Variants in F13B observed in about 807,000 individuals in gnomAD.
F13B encodes TGase.
F13B carries 58 observed loss-of-function variants against 79.8 expected under a neutral mutation model. That is an observed-to-expected ratio of 0.73 (90% CI 0.59 to 0.90). F13B has a LOEUF of 0.90. F13B is among the 40% of genes least tolerant of loss of function. The pLI is 0.00. For missense variants in F13B, 773 were observed against 777.0 expected (o/e 0.99, Z 0.06); for synonymous variants, 283 against 260.3 (o/e 1.09, Z -0.84).
In F13B at chr1:197,063,021, C is replaced by A. The variant is rs756961824; in HGVS notation, c.101G>T (p.Arg34Ile). 6.2e-7 allele frequency: 1 copy of A among 1,612,774 alleles called. No individual in the cohort carries two copies. The highest frequency in any genetic ancestry group is 1.1e-5 in the South Asian group (1 of 91,038). Residue 34 changes from arginine (R) to isoleucine (I), a missense_variant, in exon 2 of 12, where the codon AGA becomes ATA. Coordinates refer to ENST00000367412, the MANE Select transcript of F13B (RefSeq NM_001994.3). ...AAAAGTATAGTAATATTGGGCAATTCTTCCATTTTCCACATGAGGAAAACC... is the reference window on the plus strand; with the variant it reads ...AAAAGTATAGTAATATTGGGCAATTATTCCATTTTCCACATGAGGAAAACC... ...PCGFPHVENG[R>I]IAQYYYTFKS...
chr1:197,065,995 CT>C (rs766666193), intron 1 of F13B, among the ~76,000 whole-genome samples: 14 of 121,730 alleles, frequency 1.2e-4, no homozygotes, highest in South Asian at 6.3e-4. Context: ...AAGCAGCTTA[CT>C]TTTTTTTTTG....
rs2125064389 is a variant in F13B at position 197,052,713 on chromosome 1, T to C, written c.1476A>G (p.Leu492=). ...ATTCAGACAATGGGGTTAATGGAGA[T>C]AAGTCATATCCCTGTTTACATACAA... ...IDFVCKQGYD[L]SPLTPLSELS... The change falls in exon 9 of 12, where the codon TTA becomes TTG. Residue 492 remains leucine, a synonymous_variant. Transcript: ENST00000367412. The C allele has an allele frequency of 6.2e-7, 1 of 1,612,274 alleles. No homozygotes were observed. The highest frequency in any genetic ancestry group is 8.5e-7 in the Non-Finnish European group (1 of 1,178,978).
At position 197,039,210 on chromosome 1, in the gene F13B, T is replaced by G; in HGVS notation, c.*168A>C. On this transcript the variant is annotated 3_prime_UTR_variant, in exon 12 of 12. Coordinates refer to ENST00000367412, the MANE Select transcript of F13B (RefSeq NM_001994.3). Reference sequence around the variant, plus strand: ...AATCATACAAACTAAAAATTAGACATTTATTGGTTTTCATTTATAAATAAC... The same window carrying G: ...AATCATACAAACTAAAAATTAGACAGTTATTGGTTTTCATTTATAAATAAC... The G allele has an allele frequency of 1.7e-6, 1 of 604,692 alleles. No homozygotes were observed. The allele number at this position is 604,692 out of a possible 1,614,324, so 37.5% of individuals were successfully genotyped here.
In F13B at chr1:197,057,274, G is replaced by A. The variant is rs1319865788; in HGVS notation, c.985+12C>T. ...TTTCATTTTAGCAAAGCTTCTTCAA[G>A]GTGTTACTAACCAATGCATTTTGGA... On this transcript the variant is annotated intron_variant, in intron 6 of 11. Transcript: ENST00000367412. 5 of 1,613,874 alleles carry A rather than the reference G, an allele frequency of 3.1e-6. No individual in the cohort carries two copies. In the South Asian group the frequency reaches 5.5e-5, roughly 18 times the overall value.
At chr1:197,066,089 C>A (rs904736486) in intron 1 of F13B, among the ~76,000 whole-genome samples, 1 of 151,422 alleles carries the variant, frequency 6.6e-6, no homozygotes, top group Non-Finnish European at 1.5e-5. Flanking sequence ...AGATAACAGA[C>A]AATTATATCT....
rs767006990 is a variant in F13B, at chr1:197,067,253, A to T, written c.-30T>A. 3.5e-5 allele frequency: 54 copies of T among 1,542,076 alleles called. No individual in the cohort carries two copies. The highest frequency in any genetic ancestry group is 4.5e-5 in the Non-Finnish European group (50 of 1,115,540). On this transcript the variant is annotated 5_prime_UTR_variant, in exon 1 of 12. Transcript: ENST00000367412. ...AGTGGTGTGCTTCACAAAGATTTTAACAATTCTAAGCACTAGGAACTTGTC... is the reference window on the plus strand; with the variant it reads ...AGTGGTGTGCTTCACAAAGATTTTATCAATTCTAAGCACTAGGAACTTGTC...
intron 7 of F13B, among the ~76,000 whole-genome samples, chr1:197,056,739 T>C (rs1430550842): frequency 6.6e-6 from 1 of 152,178 alleles, no homozygotes; most frequent in Non-Finnish European, 1.5e-5. Flanking sequence ...TTACAGGTAA[T>C]GGCATGACAC....
intron 2 of F13B, among the ~76,000 whole-genome samples, 200 bp from the exon 3 acceptor site, chr1:197,062,169 C>T (rs931162946): frequency 6.6e-6 from 1 of 151,910 alleles, no homozygotes; most frequent in South Asian, 2.1e-4. Flanking sequence ...AATTTCTACC[C>T]CTACCACATC....
intron 3 of F13B, among the ~76,000 whole-genome samples, 187 bp from the exon 4 acceptor site, chr1:197,061,262 C>T (rs1655851606): frequency 6.6e-6 from 1 of 152,004 alleles, no homozygotes; most frequent in Admixed American, 6.6e-5. Context: ...CTAACTCTAC[C>T]AGTTTTCTGT....
intron 10 of F13B, among the ~76,000 whole-genome samples, chr1:197,046,466 A>G (rs1346820689): frequency 6.6e-6 from 1 of 152,202 alleles, no homozygotes; most frequent in Non-Finnish European, 1.5e-5. Flanking sequence ...AGGGATGTGA[A>G]GGACCTCTTC....
At chr1:197,049,603 T>C (rs780124482) in intron 10 of F13B, among the ~76,000 whole-genome samples, 3 of 152,028 alleles carry the variant, frequency 2.0e-5, no homozygotes, top group Non-Finnish European at 4.4e-5. Context: ...AAAACTCAAG[T>C]CCCAGATGGC....
At chr1:197,044,224 C>A (rs1655144115) in intron 10 of F13B, among the ~76,000 whole-genome samples, 1 of 152,044 alleles carries the variant, frequency 6.6e-6, no homozygotes, top group Non-Finnish European at 1.5e-5. Context: ...GAGATACCCT[C>A]CCTTGCCTGG....
chr1:197,043,883 C>A (rs1168316503), intron 10 of F13B, among the ~76,000 whole-genome samples: 1 of 151,930 alleles, frequency 6.6e-6, no homozygotes, highest in African/African-American at 2.4e-5. Flanking sequence ...ATTAGCCAAA[C>A]ATTTCTAAAA....
intron 3 of F13B, among the ~76,000 whole-genome samples, chr1:197,061,478 T>G (rs1334350626): frequency 6.6e-6 from 1 of 152,130 alleles, no homozygotes; most frequent in East Asian, 1.9e-4. Flanking sequence ...TACATGATCT[T>G]AAATTCTTCT....
intron 10 of F13B, among the ~76,000 whole-genome samples, chr1:197,046,141 C>T (rs1004251943): frequency 6.6e-6 from 1 of 152,148 alleles, no homozygotes; most frequent in African/African-American, 2.4e-5. Context: ...TCCTATTCAA[C>T]ATAGTGTTGG....
intron 1 of F13B, among the ~76,000 whole-genome samples, chr1:197,065,804 G>A (rs1483997503): frequency 6.6e-6 from 1 of 152,126 alleles, no homozygotes; most frequent in Admixed American, 6.6e-5. Context: ...AGGGGAAATG[G>A]ACTTCAAGAT....
chr1:197,039,695 ATT>A (rs1285696997), intron 11 of F13B, among the ~76,000 whole-genome samples: 1 of 151,998 alleles, frequency 6.6e-6, no homozygotes, highest in East Asian at 1.9e-4. Flanking sequence ...AGCATATAAA[ATT>A]TTTTCCACCC....
intron 9 of F13B, among the ~76,000 whole-genome samples, chr1:197,051,552 T>C (rs1490394067): frequency 1.3e-5 from 2 of 152,068 alleles, no homozygotes. Context: ...CACAAGAAGG[T>C]GATCAATTCT....
At chr1:197,044,281 C>A (rs551800660) in intron 10 of F13B, among the ~76,000 whole-genome samples, 4 of 152,134 alleles carry the variant, frequency 2.6e-5, no homozygotes, top group African/African-American at 9.6e-5. Context: ...GCTAGCTCAG[C>A]AGTCTGAGAT....
Sources: allele counts gnomAD v4.1 joint callset (sites outside exome capture counted in the v4.1 genomes callset), GRCh38; gene constraint gnomAD v4.1.1; transcripts MANE v1.5; gene names NCBI Gene and HGNC (gene_info 2026-07-23, HGNC 2026-07-21).